The following MIPOL1 variants were observed in gnomAD, a reference collection of about 807,000 sequenced individuals.
MIPOL1 encodes the protein mirror-image polydactyly 1, also known as mirror-image polydactyly gene 1 protein.
A neutral mutation model predicts 60.9 loss-of-function variants in MIPOL1; 57 were observed. The observed-to-expected ratio is 0.94, with a 90% confidence interval of 0.76 to 1.17. MIPOL1 has a LOEUF of 1.17. Ranked by LOEUF, MIPOL1 falls within the 50% of genes most tolerant of loss-of-function variation. The pLI, the probability that MIPOL1 is intolerant of heterozygous loss-of-function variation, is 0.00. For synonymous variants in MIPOL1, 179 were observed against 168.8 expected (o/e 1.06, Z -0.47); for missense variants, 551 against 511.6 (o/e 1.08, Z -0.74).
intron 10 of MIPOL1, among the ~76,000 whole-genome samples, chr14:37,421,648 C>T (rs1195371052): frequency 4.6e-5 from 7 of 152,104 alleles, no homozygotes; most frequent in Non-Finnish European, 7.4e-5. Flanking sequence ...TATAAAGTAA[C>T]ACTTGGATAG....
intron 11 of MIPOL1, among the ~76,000 whole-genome samples, chr14:37,463,364 G>T (rs1370947391): frequency 6.6e-6 from 1 of 152,162 alleles, no homozygotes; most frequent in Non-Finnish European, 1.5e-5. Flanking sequence ...TGAGATTTGG[G>T]TGGGGACACA....
chr14:37,203,751 C>G (rs1260519870), intron 1 of MIPOL1, among the ~76,000 whole-genome samples: 38 of 152,142 alleles, frequency 2.5e-4, no homozygotes, highest in Admixed American at 2.4e-3. Flanking sequence ...CAGTAAGGAA[C>G]TGAGGTTCTC....
chr14:37,250,935 A>G (rs563037081), intron 3 of MIPOL1, among the ~76,000 whole-genome samples: 115 of 152,290 alleles, frequency 7.6e-4, no homozygotes, highest in Non-Finnish European at 1.0e-3. Flanking sequence ...AAGATTGATA[A>G]TGTAACATAT....
Position 37,550,267 on chromosome 14 carries a change from A to G in MIPOL1, c.*3296A>G, listed in dbSNP as rs2095558635. 1 of 151,214 alleles carries G rather than the reference A, an allele frequency of 6.6e-6. No individual in the cohort carries two copies. Among genetic ancestry groups the G allele is most frequent in the South Asian group, 2.1e-4 (1 of 4,828 alleles). 9.4% of individuals were successfully genotyped at this position (151,214 alleles called of 1,614,324 possible). A position where few individuals can be genotyped will look rare whatever the true frequency, so the allele number is the denominator to read the frequency against. ...GATTTATACTTTTAATATTGAATAT[A>G]GTTTCGTAGAAAAACATTTTATATG... On this transcript the variant is annotated 3_prime_UTR_variant, in exon 13 of 13. Coordinates refer to ENST00000684589, the MANE Select transcript of MIPOL1 (RefSeq NM_001388067.1).
intron 10 of MIPOL1, among the ~76,000 whole-genome samples, chr14:37,393,404 TTG>T (rs66937049): frequency 0.96 from 113,330 of 117,946 alleles, 54,557 homozygotes; most frequent in South Asian, 0.99. Context: ...TGTTTTGTTT[TTG>T]TGTGTGTGTG....
intron 7 of MIPOL1, 116 bp downstream of exon 7, chr14:37,285,563 T>A (rs1023999739): frequency 9.9e-7 from 1 of 1,010,664 alleles, no homozygotes; most frequent in African/African-American, 1.7e-5. Flanking sequence ...ACTAGGAAAT[T>A]GCATGTCTCC....
intron 12 of MIPOL1, chr14:37,523,342 T>C: frequency 3.1e-6 from 1 of 323,422 alleles, no homozygotes; most frequent in Non-Finnish European, 5.6e-6. Flanking sequence ...TTTTAAATGG[T>C]GATCTAGGTG....
intron 2 of MIPOL1, 49 bp downstream of exon 2, chr14:37,247,289 G>T (rs1244394973): frequency 1.3e-5 from 2 of 152,356 alleles, no homozygotes; most frequent in Non-Finnish European, 2.9e-5. Flanking sequence ...AACTTGCATA[G>T]TGTTTTATCA....
At chr14:37,486,447 T>G (rs1396857106) in intron 11 of MIPOL1, among the ~76,000 whole-genome samples, 3 of 152,218 alleles carry the variant, frequency 2.0e-5, no homozygotes, top group Non-Finnish European at 4.4e-5. Context: ...AAGATATAGA[T>G]TCTTCCTATC....
intron 10 of MIPOL1, among the ~76,000 whole-genome samples, chr14:37,395,957 T>C (rs1418865112): frequency 1.3e-5 from 2 of 152,208 alleles, no homozygotes; most frequent in South Asian, 2.1e-4. Flanking sequence ...TTCTTATTCA[T>C]TCTGTGGTTC....
intron 11 of MIPOL1, among the ~76,000 whole-genome samples, chr14:37,425,378 T>C (rs1198461551): frequency 6.6e-6 from 1 of 152,226 alleles, no homozygotes; most frequent in Non-Finnish European, 1.5e-5. Flanking sequence ...TTTCAAATAC[T>C]CTTTAAAATC....
chr14:37,371,015 A>G (rs2092623016), intron 10 of MIPOL1, among the ~76,000 whole-genome samples: 1 of 152,094 alleles, frequency 6.6e-6, no homozygotes, highest in Non-Finnish European at 1.5e-5. Context: ...TGTTAAGTAT[A>G]TATTAATTTC....
Position 37,478,981 on chromosome 14 carries a change from G to A in MIPOL1, c.1032-20927G>A, listed in dbSNP as rs577259560. ...ATAACAATTACAAATATATATGCAT[G>A]CAACATCAGAATACCTAAATATATA... is the stretch of plus-strand genomic sequence containing the variant. On this transcript the variant is annotated intron_variant, in intron 11 of 12. Coordinates refer to ENST00000684589, the MANE Select transcript of MIPOL1 (RefSeq NM_001388067.1). Among the ~76,000 whole-genome samples, 3 of 152,160 alleles carry A rather than the reference G, an allele frequency of 2.0e-5. No homozygotes were observed. In the South Asian group the frequency reaches 6.2e-4, roughly 32 times the overall value.
At chr14:37,431,524 A>G (rs1296015064) in intron 11 of MIPOL1, among the ~76,000 whole-genome samples, 2 of 145,752 alleles carry the variant, frequency 1.4e-5, no homozygotes, top group African/African-American at 5.1e-5. Flanking sequence ...GAACTCTTTA[A>G]TGTAACGTTC....
chr14:37,426,570 C>CATATAT (rs68123796), intron 11 of MIPOL1, among the ~76,000 whole-genome samples: 2,382 of 85,492 alleles, frequency 0.028, 164 homozygotes, highest in African/African-American at 0.099. Flanking sequence ...TCAAAATATA[C>CATATAT]ATATATATAT....
At chr14:37,369,076 C>A (rs1355578893) in intron 9 of MIPOL1, among the ~76,000 whole-genome samples, 1 of 151,688 alleles carries the variant, frequency 6.6e-6, no homozygotes, top group Non-Finnish European at 1.5e-5. Context: ...AGAAATATTT[C>A]TGAACATATA....
At chr14:37,415,879 G>A (rs2093759893) in intron 10 of MIPOL1, among the ~76,000 whole-genome samples, 4 of 152,076 alleles carry the variant, frequency 2.6e-5, no homozygotes. Context: ...ACTTAGAATA[G>A]TGTCTGGCAT....
At chr14:37,275,497 C>T (rs1484683448) in intron 6 of MIPOL1, among the ~76,000 whole-genome samples, 1 of 151,184 alleles carries the variant, frequency 6.6e-6, no homozygotes, top group Non-Finnish European at 1.5e-5. Context: ...TTAATTTGCT[C>T]TTATATCAGT....
chr14:37,394,472 G>C (rs1447218205), intron 10 of MIPOL1, among the ~76,000 whole-genome samples: 2 of 151,950 alleles, frequency 1.3e-5, no homozygotes, highest in African/African-American at 4.8e-5. Flanking sequence ...GGAGTCAGGT[G>C]GTATTGCATT....
Sources: gnomAD v4.1 joint callset for allele counts (sites outside exome capture counted in the v4.1 genomes callset) on GRCh38, gnomAD v4.1.1 for gene constraint, MANE v1.5 for transcripts, NCBI Gene and HGNC (gene_info 2026-07-23, HGNC 2026-07-21) for gene names.